KCNJ15: variants seen among roughly 807,000 people sequenced by gnomAD.
KCNJ15 encodes potassium inwardly rectifying channel subfamily J member 15.
KCNJ15 carries 14 observed loss-of-function variants against 23.0 expected under a neutral mutation model. The observed-to-expected ratio is 0.61, with a 90% CI of 0.40 to 0.95. The LOEUF is 0.95. KCNJ15 is among the 40% of genes least tolerant of loss of function. The pLI is 0.00. For synonymous variants in KCNJ15, 185 were observed against 183.2 expected, an observed-to-expected ratio of 1.01 and a Z score of -0.08; for missense variants, 388 against 461.8, an observed-to-expected ratio of 0.84 and a Z score of 1.46.
intron 1 of KCNJ15, among the ~76,000 whole-genome samples, chr21:38,248,216 AG>A (rs1359226531): frequency 6.6e-6 from 1 of 152,366 alleles, no homozygotes; most frequent in East Asian, 1.9e-4. Flanking sequence ...GAAGAACAGA[AG>A]GGGTAACTGA....
intron 1 of KCNJ15, among the ~76,000 whole-genome samples, chr21:38,245,701 A>G (rs1979325437): frequency 6.6e-6 from 1 of 151,770 alleles, no homozygotes; most frequent in Non-Finnish European, 1.5e-5. Context: ...AGAAAGAAGG[A>G]AAGGAAAGAA....
At chr21:38,277,149 A>G (rs913374613) in intron 1 of KCNJ15, among the ~76,000 whole-genome samples, 7 of 152,150 alleles carry the variant, frequency 4.6e-5, no homozygotes, top group Non-Finnish European at 8.8e-5. Flanking sequence ...GAAGTTGACA[A>G]TGGTCTTTCC....
chr21:38,238,548 C>G, intron 1 of KCNJ15: 4 of 637,120 alleles, frequency 6.3e-6, no homozygotes, highest in South Asian at 5.8e-5. Context: ...GGACATGGTG[C>G]ATGTGCTGGG....
chr21:38,292,670 A>G (rs1984726744), intron 1 of KCNJ15, among the ~76,000 whole-genome samples: 1 of 152,186 alleles, frequency 6.6e-6, no homozygotes, highest in African/African-American at 2.4e-5. Flanking sequence ...GTTTACATTA[A>G]GACTATTTCA....
intron 1 of KCNJ15, among the ~76,000 whole-genome samples, chr21:38,277,124 A>G (rs1024305241): frequency 2.6e-5 from 4 of 152,002 alleles, no homozygotes; most frequent in Admixed American, 6.6e-5. Flanking sequence ...ACTAGGTCCT[A>G]TTTTTCATGA....
intron 1 of KCNJ15, among the ~76,000 whole-genome samples, chr21:38,260,034 TATAA>T (rs1251032657): frequency 1.3e-5 from 2 of 152,226 alleles, no homozygotes; most frequent in Admixed American, 1.3e-4. Context: ...AGTTATAATT[TATAA>T]ATAAAGGTTT....
At position 38,288,026 on chromosome 21, in the gene KCNJ15, C is replaced by CTTTTTTTTTTTTTTTTTTTTTTTTTTT. The variant is rs1171718120; in HGVS notation, c.-116-8897_-116-8896insTTTTTTTTTTTTTTTTTTTTTTTTTTT. Among the ~76,000 whole-genome samples the CTTTTTTTTTTTTTTTTTTTTTTTTTTT allele has an allele frequency of 1.2e-3, 90 of 78,122 alleles. 38 individuals carry two copies. Among genetic ancestry groups the CTTTTTTTTTTTTTTTTTTTTTTTTTTT allele is most frequent in the Non-Finnish European group, 1.3e-3 (59 of 44,132 alleles). The allele number at this position is 78,122 out of a possible 152,430, so 51.3% of individuals were successfully genotyped here. The stretch of plus-strand genomic sequence containing the variant: ...CCATTGTTAAATAACTTGTTTTTTT[C>CTTTTTTTTTTTTTTTTTTTTTTTTTTT]TTTGTTTTTTTTTTTTTTTTTTTTT... On this transcript the variant is annotated intron_variant, in intron 1 of 2. Coordinates refer to ENST00000398938, the MANE Select transcript of KCNJ15 (RefSeq NM_170736.3).
chr21:38,306,314 A>C lies in KCNJ15; in HGVS notation c.*5925A>C, dbSNP rs1986052772. 6.6e-6 allele frequency: 1 copy of C among 151,908 alleles called. No individual in the cohort carries two copies. Among genetic ancestry groups the C allele is most frequent in the Admixed American group, 6.6e-5 (1 of 15,254 alleles). The allele number at this position is 151,908 out of a possible 1,614,324, so 9.4% of individuals were successfully genotyped here. ...ATTTCAGTAAATAAAAGTTAGATCT[A>C]CTCAAAATTAGACTCCAAGGGAATT... On this transcript the variant is annotated 3_prime_UTR_variant, in exon 3 of 3. Transcript: ENST00000398938.
At chr21:38,232,137 G>GT (rs60585699) in intron 1 of KCNJ15, among the ~76,000 whole-genome samples, 2,993 of 145,668 alleles carry the variant, frequency 0.021, 89 homozygotes, top group African/African-American at 0.068. Flanking sequence ...TTCATTAGAG[G>GT]TTTTTTTTTT....
At chr21:38,232,398 C>T (rs1186776261) in intron 1 of KCNJ15, among the ~76,000 whole-genome samples, 8 of 151,750 alleles carry the variant, frequency 5.3e-5, no homozygotes. Context: ...AAGGAATCAA[C>T]TTTTGGTTAT....
intron 1 of KCNJ15, among the ~76,000 whole-genome samples, chr21:38,267,782 T>G (rs1981618344): frequency 6.6e-6 from 1 of 152,224 alleles, no homozygotes; most frequent in Non-Finnish European, 1.5e-5. Flanking sequence ...GCTGGCTGTC[T>G]TCAAGCCTAT....
chr21:38,239,375 C>G (rs1229811375), intron 1 of KCNJ15, among the ~76,000 whole-genome samples: 1 of 152,178 alleles, frequency 6.6e-6, no homozygotes, highest in Non-Finnish European at 1.5e-5. Flanking sequence ...CTCAGGGACC[C>G]CACCTCCCCA....
intron 1 of KCNJ15, among the ~76,000 whole-genome samples, chr21:38,288,395 T>C (rs1424504151): frequency 6.6e-6 from 1 of 152,134 alleles, no homozygotes; most frequent in African/African-American, 2.4e-5. Context: ...TGGGATGAGA[T>C]TCATGCTAAT....
chr21:38,281,282 T>C (rs1319366551), intron 1 of KCNJ15, among the ~76,000 whole-genome samples: 2 of 152,178 alleles, frequency 1.3e-5, no homozygotes, highest in Non-Finnish European at 2.9e-5. Context: ...TTTTATTTAT[T>C]TTTTTCAACT....
chr21:38,299,301 G>A lies in KCNJ15; in HGVS notation c.40G>A (p.Val14Met). 1 of 1,614,130 alleles carries A rather than the reference G, an allele frequency of 6.2e-7. No individual in the cohort carries two copies. The highest frequency in any genetic ancestry group is 1.1e-5 in the South Asian group (1 of 91,076). Residue 14 changes from valine (V) to methionine (M), a missense_variant, in exon 3 of 3, where the codon GTG becomes ATG. Coordinates refer to ENST00000398938, the MANE Select transcript of KCNJ15 (RefSeq NM_170736.3). This position sits in a 1 kb window ranked among gnomAD's most constrained non-coding sequence, Gnocchi z 4.5. ...IHIGMSSTPL[V>M]KHTAGAGLKA... ...CATCGGCATGTCCAGCACCCCCCTG[G>A]TGAAGCACACTGCTGGGGCTGGGCT...
intron 1 of KCNJ15, among the ~76,000 whole-genome samples, chr21:38,240,664 C>T (rs1978935417): frequency 6.6e-6 from 1 of 152,236 alleles, no homozygotes; most frequent in Admixed American, 6.5e-5. Flanking sequence ...GGGTAAAGTT[C>T]CTGGAATGCT....
intron 1 of KCNJ15, among the ~76,000 whole-genome samples, chr21:38,242,028 A>G (rs1026656695): frequency 6.6e-6 from 1 of 151,294 alleles, no homozygotes; most frequent in Admixed American, 6.6e-5. Context: ...CTCTGTCCAC[A>G]TGGTCCCAGA....
intron 1 of KCNJ15, among the ~76,000 whole-genome samples, chr21:38,266,264 T>C (rs1981453741): frequency 6.6e-6 from 1 of 152,190 alleles, no homozygotes; most frequent in Non-Finnish European, 1.5e-5. Context: ...ATTAGGTATT[T>C]CTCCTAATGC....
chr21:38,241,436 C>A (rs1048375647), intron 1 of KCNJ15, among the ~76,000 whole-genome samples: 1 of 152,228 alleles, frequency 6.6e-6, no homozygotes, highest in African/African-American at 2.4e-5. Flanking sequence ...GCCTGCTGGA[C>A]ACTCCCAGTC....
Sources: allele counts gnomAD v4.1 joint callset (sites outside exome capture counted in the v4.1 genomes callset), GRCh38; gene constraint gnomAD v4.1.1; non-coding constraint Gnocchi (gnomAD v3.1); transcripts MANE v1.5; gene names NCBI Gene and HGNC (gene_info 2026-07-23, HGNC 2026-07-21).